Variants in CNTNAP2 observed in about 807,000 individuals in gnomAD.
CNTNAP2 encodes the protein contactin-associated protein-like 2.
A neutral mutation model predicts 155.2 loss-of-function variants in CNTNAP2; 98 were observed. The observed-to-expected ratio is 0.63, with a 90% confidence interval of 0.54 to 0.75. The LOEUF (loss-of-function observed/expected upper bound fraction) is 0.75. Ranked by LOEUF, CNTNAP2 falls within the 30% of genes least tolerant of loss-of-function variation. The pLI, the probability that CNTNAP2 is intolerant of heterozygous loss-of-function variation, is 0.00. For missense variants in CNTNAP2, 1,727 were observed against 1,688.1 expected, an observed-to-expected ratio of 1.02 and a Z score of -0.40; for synonymous variants, 651 against 631.2, an observed-to-expected ratio of 1.03 and a Z score of -0.47.
At chr7:146,235,978 G>GTT (rs1563001580) in intron 1 of CNTNAP2, among the ~76,000 whole-genome samples, 1 of 151,488 alleles carries the variant, frequency 6.6e-6, no homozygotes, top group South Asian at 2.1e-4. Flanking sequence ...GTGTGTGTGT[G>GTT]TGCGCGCGTA....
chr7:147,658,079 AC>A (rs1158323016), intron 13 of CNTNAP2, among the ~76,000 whole-genome samples: 1 of 126,326 alleles, frequency 7.9e-6, no homozygotes, highest in African/African-American at 2.7e-5. Context: ...AAATGGTGAA[AC>A]CCCGTCTCTA....
At chr7:147,526,094 A>G (rs923950163) in intron 11 of CNTNAP2, among the ~76,000 whole-genome samples, 1 of 150,882 alleles carries the variant, frequency 6.6e-6, no homozygotes, top group Non-Finnish European at 1.5e-5. Context: ...CGAGAGGCTG[A>G]GGCAGGAGCA....
chr7:146,163,747 A>C, intron 1 of CNTNAP2, among the ~76,000 whole-genome samples: 1 of 151,752 alleles, frequency 6.6e-6, no homozygotes, highest in South Asian at 2.1e-4. Context: ...AAAAAAAAAG[A>C]AAAAGAAAGG....
At chr7:146,903,577 C>G (rs1024824160) in intron 3 of CNTNAP2, among the ~76,000 whole-genome samples, 5 of 152,096 alleles carry the variant, frequency 3.3e-5, no homozygotes, top group African/African-American at 9.7e-5. Flanking sequence ...AGATTTTTAT[C>G]TTTTATTACC....
At chr7:146,231,444 T>A (rs1362512115) in intron 1 of CNTNAP2, among the ~76,000 whole-genome samples, 1 of 152,216 alleles carries the variant, frequency 6.6e-6, no homozygotes, top group Non-Finnish European at 1.5e-5. Flanking sequence ...TCATCATCTT[T>A]AAACATCGAC....
intron 13 of CNTNAP2, among the ~76,000 whole-genome samples, chr7:147,821,057 A>G (rs535157684): frequency 2.6e-5 from 4 of 152,298 alleles, no homozygotes; most frequent in African/African-American, 9.6e-5. Flanking sequence ...CTTTGCATTA[A>G]AAACCTTGGA....
At chr7:148,052,232 C>T (rs1802906101) in intron 15 of CNTNAP2, among the ~76,000 whole-genome samples, 1 of 147,744 alleles carries the variant, frequency 6.8e-6, no homozygotes, top group Admixed American at 6.7e-5. Context: ...CATGTAAGTA[C>T]AAAAATCAAC....
rs1491454260 is a variant in CNTNAP2 at position 146,721,890 on chromosome 7, T to TATATATATA, written c.98-52381_98-52380insATATATATA. The stretch of plus-strand genomic sequence containing the variant: ...GTGTGTGTGTGTATATATATATATA[T>TATATATATA]TTTTTTTTTTTTTTTTGAGATGGAA... On this transcript the variant is annotated intron_variant, in intron 1 of 23. Coordinates refer to ENST00000361727, the MANE Select transcript of CNTNAP2 (RefSeq NM_014141.6). Among the ~76,000 whole-genome samples, 38 of 75,588 alleles carry TATATATATA rather than the reference T, an allele frequency of 5.0e-4. 5 individuals carry two copies. Among genetic ancestry groups the TATATATATA allele is most frequent in the African/African-American group, 2.8e-3 (32 of 11,358 alleles). 49.6% of individuals were successfully genotyped at this position (75,588 alleles called of 152,430 possible). A position where few individuals can be genotyped will look rare whatever the true frequency, so the allele number is the denominator to read the frequency against.
At chr7:147,404,453 C>G (rs895901316) in intron 10 of CNTNAP2, among the ~76,000 whole-genome samples, 2 of 152,126 alleles carry the variant, frequency 1.3e-5, no homozygotes, top group South Asian at 4.1e-4. Flanking sequence ...CAGGTAGATA[C>G]GTTCATCTTG....
At chr7:146,300,850 ACT>A (rs1800596310) in intron 1 of CNTNAP2, among the ~76,000 whole-genome samples, 1 of 152,102 alleles carries the variant, frequency 6.6e-6, no homozygotes, top group African/African-American at 2.4e-5. Flanking sequence ...ATTGATGTTA[ACT>A]CTCAGTTTCC....
intron 16 of CNTNAP2, among the ~76,000 whole-genome samples, chr7:148,138,080 C>G (rs1563211911): frequency 6.6e-6 from 1 of 152,184 alleles, no homozygotes; most frequent in African/African-American, 2.4e-5. Context: ...GGCAGAGTCA[C>G]AAGTCAGTCC....
chr7:147,804,679 G>A (rs774164782), intron 13 of CNTNAP2, among the ~76,000 whole-genome samples: 1 of 152,048 alleles, frequency 6.6e-6, no homozygotes, highest in Admixed American at 6.5e-5. Context: ...TCAGCCTCCC[G>A]AATAGCTGGG....
intron 8 of CNTNAP2, among the ~76,000 whole-genome samples, chr7:147,256,424 G>C (rs913793484): frequency 1.2e-4 from 18 of 152,150 alleles, no homozygotes; most frequent in African/African-American, 4.1e-4. Context: ...TGTTAGCATA[G>C]GTCACTAGGT....
chr7:147,315,008 C>G (rs1175092485), intron 9 of CNTNAP2, among the ~76,000 whole-genome samples: 1 of 147,892 alleles, frequency 6.8e-6, no homozygotes, highest in Non-Finnish European at 1.5e-5. Context: ...AAAGTTGATT[C>G]GAAGAGCAGT....
intron 1 of CNTNAP2, among the ~76,000 whole-genome samples, chr7:146,259,536 T>C (rs1320166948): frequency 6.6e-6 from 1 of 152,194 alleles, no homozygotes; most frequent in Admixed American, 6.5e-5. Context: ...AGGTCACTTA[T>C]GCTGTGCTTT....
At chr7:146,960,658 T>C (rs1380964476) in intron 3 of CNTNAP2, among the ~76,000 whole-genome samples, 1 of 152,248 alleles carries the variant, frequency 6.6e-6, no homozygotes, top group East Asian at 1.9e-4. Flanking sequence ...AAAATATTAG[T>C]TGTTCTTTAT....
intron 21 of CNTNAP2, among the ~76,000 whole-genome samples, chr7:148,354,295 T>C (rs1163813549): frequency 6.6e-6 from 1 of 152,018 alleles, no homozygotes; most frequent in African/African-American, 2.4e-5. Context: ...AAGTATTTCT[T>C]TTCTGTCACA....
chr7:148,383,503 A>G (rs1207680537), intron 21 of CNTNAP2, 146 bp from the exon 22 acceptor site: 7 of 1,163,782 alleles, frequency 6.0e-6, no homozygotes, highest in Non-Finnish European at 8.7e-6. Flanking sequence ...AATCTTATCG[A>G]CCCATTAATA....
At chr7:147,313,083 T>C (rs1795155176) in intron 9 of CNTNAP2, among the ~76,000 whole-genome samples, 1 of 125,672 alleles carries the variant, frequency 8.0e-6, no homozygotes, top group South Asian at 2.8e-4. Flanking sequence ...TCTGTTCATG[T>C]CCTTCGCCCA....
Sources: allele counts gnomAD v4.1 joint callset (sites outside exome capture counted in the v4.1 genomes callset), GRCh38; gene constraint gnomAD v4.1.1; transcripts MANE v1.5; gene names NCBI Gene and HGNC (gene_info 2026-07-23, HGNC 2026-07-21).